Variants in ERC1 observed in about 807,000 individuals in gnomAD.
ERC1 encodes RAB6 interacting protein 2.
Under a neutral mutation model 132.0 loss-of-function variants are expected in ERC1, and 56 were observed. The observed-to-expected ratio is 0.42, with a 90% CI of 0.34 to 0.53. The LOEUF (loss-of-function observed/expected upper bound fraction) is 0.53, where lower values mean the gene tolerates loss of function less well. Among genes scored for constraint, ERC1 ranks in the 20% least tolerant of loss-of-function variants. The pLI, the probability that ERC1 is intolerant of heterozygous loss-of-function variation, is 0.03. For synonymous variants in ERC1, 478 were observed against 476.1 expected, an observed-to-expected ratio of 1.00 and a Z score of -0.05; for missense variants, 1,202 against 1,349.9, an observed-to-expected ratio of 0.89 and a Z score of 1.72.
At chr12:1,366,663 T>C (rs2086689308) in intron 15 of ERC1, among the ~76,000 whole-genome samples, 1 of 152,068 alleles carries the variant, frequency 6.6e-6, no homozygotes, top group Admixed American at 6.6e-5. Flanking sequence ...AGTAGGACAG[T>C]ATAGAATGAT....
chr12:1,141,626 G>A lies in ERC1; in HGVS notation c.1576G>A (p.Ala526Thr). The change falls in exon 8 of 19, where the codon GCT (alanine) becomes ACT (threonine). Residue 526 changes from alanine to threonine, a missense_variant. By Grantham distance (58) the Ala-to-Thr change is moderately conservative (BLOSUM62 0). Coordinates refer to ENST00000360905, the MANE Select transcript of ERC1 (RefSeq NM_178040.4). Reference protein sequence around the residue: ...RAAILQTEVDALRLRLEEKET... With the variant: ...RAAILQTEVDTLRLRLEEKET... ...AAAACTCCTACATTCTTAGGTGGAT[G>A]CTCTCCGATTGCGTTTGGAAGAGAA... 1.2e-6 allele frequency: 2 copies of A among 1,606,714 alleles called. No homozygotes were observed. The highest frequency in any genetic ancestry group is 2.2e-5 in the South Asian group (2 of 89,384).
At chr12:1,131,266 G>A (rs1292647127) in intron 7 of ERC1, among the ~76,000 whole-genome samples, 1 of 152,218 alleles carries the variant, frequency 6.6e-6, no homozygotes, top group East Asian at 1.9e-4. Flanking sequence ...TGAGGAGGAG[G>A]AAATGACAGA....
chr12:1,301,457 C>T (rs1321244751), intron 15 of ERC1, among the ~76,000 whole-genome samples: 2 of 152,114 alleles, frequency 1.3e-5, no homozygotes, highest in Non-Finnish European at 2.9e-5. Context: ...AAATGTAGTG[C>T]CCATACACCA....
chr12:1,321,299 T>C (rs2082100366), intron 15 of ERC1, among the ~76,000 whole-genome samples: 1 of 152,142 alleles, frequency 6.6e-6, no homozygotes, highest in Admixed American at 6.6e-5. Flanking sequence ...TGTGAAATTA[T>C]GTGACACTGT....
rs376803249 is a variant in ERC1 at position 1,490,600 on chromosome 12, A to G, written c.*370A>G. 7.5e-6 allele frequency: 2 copies of G among 268,170 alleles called. No individual in the cohort carries two copies. Among genetic ancestry groups the G allele is most frequent in the East Asian group, 1.1e-4 (2 of 19,022 alleles). The allele number at this position is 268,170 out of a possible 1,614,324, so 16.6% of individuals were successfully genotyped here. A position where few individuals can be genotyped will look rare whatever the true frequency, so the allele number is the denominator to read the frequency against. ...CCTCTGACATGAGAATGAAACCAGGAATGGACTTGGAGTTCAACAGGCTGA... is the reference window on the plus strand; with the variant it reads ...CCTCTGACATGAGAATGAAACCAGGGATGGACTTGGAGTTCAACAGGCTGA... On this transcript the variant is annotated 3_prime_UTR_variant, in exon 19 of 19. Transcript: ENST00000360905.
At chr12:1,358,669 A>G (rs1031919453) in intron 15 of ERC1, among the ~76,000 whole-genome samples, 2 of 152,174 alleles carry the variant, frequency 1.3e-5, no homozygotes, top group Non-Finnish European at 2.9e-5. Flanking sequence ...CCATGTAATA[A>G]GCTATACAAC....
chr12:1,095,288 G>C (rs1344657862), intron 3 of ERC1, among the ~76,000 whole-genome samples: 1 of 151,650 alleles, frequency 6.6e-6, no homozygotes, highest in African/African-American at 2.4e-5. Context: ...ATATTAGCCA[G>C]GCATGGTGGT....
chr12:1,354,359 C>G (rs369167094), intron 15 of ERC1, among the ~76,000 whole-genome samples: 1 of 151,912 alleles, frequency 6.6e-6, no homozygotes, highest in African/African-American at 2.4e-5. Context: ...CCCCTGTCTA[C>G]TAAAATTAGA....
intron 1 of ERC1, among the ~76,000 whole-genome samples, chr12:999,078 T>C (rs889790709): frequency 1.3e-5 from 2 of 152,092 alleles, no homozygotes; most frequent in African/African-American, 4.8e-5. Context: ...CAGGCTGGTC[T>C]CGAACTCCTG....
At position 1,492,591 on chromosome 12, in the gene ERC1, C is replaced by T; in HGVS notation, c.*2361C>T. The T allele has an allele frequency of 4.3e-6, 1 of 233,170 alleles. No individual in the cohort carries two copies. 14.4% of individuals were successfully genotyped at this position (233,170 alleles called of 1,614,324 possible). On this transcript the variant is annotated 3_prime_UTR_variant, in exon 19 of 19. Transcript: ENST00000360905. ...TTCATCTCAGCATTCTCCATCACTT[C>T]CCCTCCAGAAAAACGGATGGAAGGA...
chr12:1,141,869 C>A, intron 8 of ERC1, 82 bp downstream of exon 8: 2 of 1,132,846 alleles, frequency 1.8e-6, no homozygotes, highest in Non-Finnish European at 2.4e-6. Context: ...TAAATGCTGT[C>A]AGAGTTTCTT....
At chr12:1,349,651 G>A (rs892270014) in intron 15 of ERC1, among the ~76,000 whole-genome samples, 3 of 142,810 alleles carry the variant, frequency 2.1e-5, no homozygotes, top group African/African-American at 8.1e-5. Flanking sequence ...ACGACAGAGT[G>A]AGACCGTCTA....
chr12:1,211,734 T>A (rs1291777092), intron 12 of ERC1, among the ~76,000 whole-genome samples: 2 of 151,742 alleles, frequency 1.3e-5, no homozygotes, highest in Non-Finnish European at 2.9e-5. Context: ...TAATTTTTTT[T>A]TTTTTTTGTA....
At chr12:1,038,199 C>T (rs61918699) in intron 2 of ERC1, among the ~76,000 whole-genome samples, 23,318 of 152,004 alleles carry the variant, frequency 0.15, 2,122 homozygotes, top group Non-Finnish European at 0.2. Context: ...CTCTTCACAA[C>T]GCCCAAGGGG....
intron 1 of ERC1, among the ~76,000 whole-genome samples, chr12:1,013,094 T>G (rs1235270163): frequency 6.6e-6 from 1 of 152,174 alleles, no homozygotes; most frequent in African/African-American, 2.4e-5. Flanking sequence ...GTTGAGCTGA[T>G]CACGATGTAG....
At chr12:1,383,851 A>G (rs774015105) in intron 16 of ERC1, among the ~76,000 whole-genome samples, 2 of 152,188 alleles carry the variant, frequency 1.3e-5, no homozygotes, top group Admixed American at 6.5e-5. Context: ...GCTGAGCCCT[A>G]TTTTGAGTTC....
intron 1 of ERC1, among the ~76,000 whole-genome samples, chr12:1,007,538 C>CTGTGTGTGTG (rs1255758100): frequency 4.7e-4 from 25 of 53,368 alleles, no homozygotes; most frequent in Non-Finnish European, 5.7e-4. Context: ...CTCTCTCTCT[C>CTGTGTGTGTG]TCTGTGTGTG....
Position 1,361,246 on chromosome 12 carries a change from C to T in ERC1, c.2781-10587C>T, listed in dbSNP as rs190801605. Among the ~76,000 whole-genome samples the T allele has an allele frequency of 5.6e-3, 545 of 97,746 alleles. 3 individuals are homozygous for T. The highest frequency in any genetic ancestry group is 0.02 in the African/African-American group (512 of 25,684). The allele number at this position is 97,746 out of a possible 152,430, so 64.1% of individuals were successfully genotyped here. A position where few individuals can be genotyped will look rare whatever the true frequency, so the allele number is the denominator to read the frequency against. Reference sequence around the variant, plus strand: ...ACACAGGAAGGGGAACATCACACACCGGGGACTGTTGTGGGGTGGGGGGAG... The same window carrying T: ...ACACAGGAAGGGGAACATCACACACTGGGGACTGTTGTGGGGTGGGGGGAG... On this transcript the variant is annotated intron_variant, in intron 15 of 18. Transcript: ENST00000360905.
chr12:1,373,698 T>A (rs2154375234), intron 16 of ERC1, among the ~76,000 whole-genome samples: 1 of 152,270 alleles, frequency 6.6e-6, no homozygotes, highest in South Asian at 2.1e-4. Flanking sequence ...GAGAATCACT[T>A]GAATCCAGGA....
Sources: allele counts gnomAD v4.1 joint callset (sites outside exome capture counted in the v4.1 genomes callset), GRCh38; gene constraint gnomAD v4.1.1; transcripts MANE v1.5; gene names NCBI Gene and HGNC (gene_info 2026-07-23, HGNC 2026-07-21).